The following RNF216 variants were observed in gnomAD, a reference collection of about 807,000 sequenced individuals.
The protein encoded by RNF216 is E3 ubiquitin-protein ligase RNF216.
A neutral mutation model predicts 110.8 loss-of-function variants in RNF216; 72 were observed. The observed-to-expected ratio is 0.65, with a 90% CI of 0.54 to 0.79. The LOEUF (loss-of-function observed/expected upper bound fraction) is 0.79. Ranked by LOEUF, RNF216 falls within the 30% of genes least tolerant of loss-of-function variation. The pLI is 0.00. For synonymous variants in RNF216, 495 were observed against 407.5 expected (o/e 1.21, Z -2.59); for missense variants, 1,342 against 1,141.2 (o/e 1.18, Z -2.54).
chr7:5,627,820 A>C (rs1786809131), intron 15 of RNF216, among the ~76,000 whole-genome samples: 1 of 151,972 alleles, frequency 6.6e-6, no homozygotes, highest in African/African-American at 2.4e-5. Context: ...GAGGGACAAG[A>C]GAGGCTCTCT....
rs549153690 is a variant in RNF216 at position 5,708,833 on chromosome 7, G to A, written c.2061+2928C>T. 1.8e-4 allele frequency among the ~76,000 whole-genome samples: 27 copies of A among 152,246 alleles called. No homozygotes were observed. The South Asian group carries it at 5.2e-3, about 29-fold the overall frequency. On this transcript the variant is annotated intron_variant, in intron 13 of 16. Transcript: ENST00000389902. ...GGTGAGACAGAAGCCAGTCCCTCAG[G>A]CAGCCCCTTGAGAAGCCCAAATGCT...
chr7:5,745,329 C>T (rs1327249471), intron 3 of RNF216, among the ~76,000 whole-genome samples: 1 of 152,106 alleles, frequency 6.6e-6, no homozygotes. Context: ...ATGACTAGTT[C>T]CTTAACATAA....
intron 13 of RNF216, among the ~76,000 whole-genome samples, chr7:5,678,132 A>T (rs1434874341): frequency 6.6e-6 from 1 of 152,196 alleles, no homozygotes; most frequent in Non-Finnish European, 1.5e-5. Context: ...GGCCCCGGCT[A>T]CATAAATTTG....
chr7:5,721,447 A>G (rs1208761782), intron 8 of RNF216, among the ~76,000 whole-genome samples: 1 of 152,190 alleles, frequency 6.6e-6, no homozygotes, highest in African/African-American at 2.4e-5. Context: ...TGAATATACC[A>G]CAATTTATTA....
At chr7:5,709,605 C>T (rs1181939599) in intron 13 of RNF216, among the ~76,000 whole-genome samples, 2 of 152,136 alleles carry the variant, frequency 1.3e-5, no homozygotes, top group Admixed American at 6.5e-5. Flanking sequence ...GTTCAGCAGG[C>T]CATGTATATT....
chr7:5,640,350 C>A (rs187992131), intron 15 of RNF216, among the ~76,000 whole-genome samples: 1 of 152,176 alleles, frequency 6.6e-6, no homozygotes, highest in Non-Finnish European at 1.5e-5. Context: ...GCTGTCCTCT[C>A]TCTCCCCAGC....
At chr7:5,627,107 G>C (rs1349075992) in intron 15 of RNF216, among the ~76,000 whole-genome samples, 1 of 152,156 alleles carries the variant, frequency 6.6e-6, no homozygotes, top group Non-Finnish European at 1.5e-5. Flanking sequence ...ATGGCACAAG[G>C]GGGTACCTCA....
chr7:5,726,475 G>A (rs1487071135), intron 7 of RNF216, among the ~76,000 whole-genome samples: 3 of 152,158 alleles, frequency 2.0e-5, no homozygotes, highest in Non-Finnish European at 2.9e-5. Context: ...ACAGGATGCT[G>A]GAGTTCAAAA....
intron 13 of RNF216, among the ~76,000 whole-genome samples, chr7:5,676,021 CTTTTTTTT>C: frequency 6.9e-6 from 1 of 145,652 alleles, no homozygotes; most frequent in African/African-American, 2.5e-5. Flanking sequence ...CTTCTTTTTT[CTTTTTTTT>C]TTTGAGACAG....
intron 3 of RNF216, among the ~76,000 whole-genome samples, chr7:5,748,948 G>C (rs747348459): frequency 6.6e-6 from 1 of 151,942 alleles, no homozygotes; most frequent in Non-Finnish European, 1.5e-5. Flanking sequence ...CTATATATGC[G>C]TTATGTGTGT....
intron 5 of RNF216, among the ~76,000 whole-genome samples, chr7:5,737,230 C>A (rs1355829699): frequency 6.6e-6 from 1 of 152,178 alleles, no homozygotes; most frequent in Non-Finnish European, 1.5e-5. Flanking sequence ...ACCCCCAACC[C>A]AGTGCTCTCT....
At chr7:5,775,262 G>C (rs1021796170) in intron 1 of RNF216, 1 of 152,142 alleles carries the variant, frequency 6.6e-6, no homozygotes, top group Non-Finnish European at 1.5e-5. Flanking sequence ...AAGTCAGGAA[G>C]AAAAGAGAAT....
In RNF216 at chr7:5,620,653, G is replaced by C. The variant is rs914404902; in HGVS notation, c.*2207C>G. ...CAGCCCAGTGTGGCCAGAACAGCTG[G>C]AACTCCTCTCAAATGACCCACCCCT... On this transcript the variant is annotated 3_prime_UTR_variant, in exon 17 of 17. Coordinates refer to ENST00000389902, the MANE Select transcript of RNF216 (RefSeq NM_207111.4). 6.6e-6 allele frequency: 1 copy of C among 152,394 alleles called. No individual in the cohort carries two copies. The allele number at this position is 152,394 out of a possible 1,614,324, so 9.4% of individuals were successfully genotyped here.
At chr7:5,771,049 G>A (rs183774371) in intron 1 of RNF216, among the ~76,000 whole-genome samples, 3 of 152,150 alleles carry the variant, frequency 2.0e-5, no homozygotes, top group East Asian at 3.9e-4. Flanking sequence ...CTTGTGATTC[G>A]CCCACCTTGG....
intron 5 of RNF216, among the ~76,000 whole-genome samples, chr7:5,737,494 C>T (rs1304774326): frequency 1.3e-5 from 2 of 149,726 alleles, no homozygotes; most frequent in Admixed American, 6.8e-5. Context: ...TCCCCCTCTG[C>T]GAGAAACAAC....
At chr7:5,742,714 G>C (rs1311779988) in intron 3 of RNF216, among the ~76,000 whole-genome samples, 1 of 146,502 alleles carries the variant, frequency 6.8e-6, no homozygotes, top group Non-Finnish European at 1.5e-5. Context: ...TCCTGCCACA[G>C]CCTCCCGAGT....
intron 2 of RNF216, chr7:5,760,343 C>T (rs980155119): frequency 8.1e-6 from 2 of 247,030 alleles, no homozygotes; most frequent in Admixed American, 9.4e-5. Flanking sequence ...GTGGAGAAAC[C>T]CCATCTCTAC....
chr7:5,677,643 G>GGTCTGGA, intron 13 of RNF216, among the ~76,000 whole-genome samples: 1 of 152,264 alleles, frequency 6.6e-6, no homozygotes, highest in Non-Finnish European at 1.5e-5. Context: ...ACTAAGAACA[G>GGTCTGGA]GTCTGGAATT....
At chr7:5,625,117 C>T (rs562324542) in intron 15 of RNF216, among the ~76,000 whole-genome samples, 2 of 152,332 alleles carry the variant, frequency 1.3e-5, no homozygotes, top group East Asian at 3.9e-4. Context: ...GGTGTGGGCC[C>T]GAGGGGGCTG....
Sources: gnomAD v4.1 joint callset for allele counts (sites outside exome capture counted in the v4.1 genomes callset) on GRCh38, gnomAD v4.1.1 for gene constraint, MANE v1.5 for transcripts, NCBI Gene and HGNC (gene_info 2026-07-23, HGNC 2026-07-21) for gene names.